Variants in PACRG observed in about 807,000 individuals in gnomAD.
PACRG encodes parkin coregulated.
In PACRG, 29 loss-of-function variants were observed where a neutral mutation model predicts 29.7. That is an observed-to-expected ratio of 0.98 (90% CI 0.73 to 1.33). PACRG has a LOEUF of 1.33. Ranked by LOEUF, PACRG falls within the 40% of genes most tolerant of loss-of-function variation. The pLI, the probability that PACRG is intolerant of heterozygous loss-of-function variation, is 0.00. For synonymous variants in PACRG, 116 were observed against 118.7 expected (o/e 0.98, Z 0.15); for missense variants, 279 against 316.2 (o/e 0.88, Z 0.89).
chr6:163,045,470 G>A (rs777202932), intron 2 of PACRG, among the ~76,000 whole-genome samples: 2 of 151,936 alleles, frequency 1.3e-5, no homozygotes, highest in Admixed American at 6.6e-5. Context: ...GATTACAGGC[G>A]CCCGTCAACA....
At chr6:162,947,622 ATAT>A (rs1799309171) in intron 2 of PACRG, among the ~76,000 whole-genome samples, 1 of 48,354 alleles carries the variant, frequency 2.1e-5, no homozygotes, top group South Asian at 9.4e-4. Flanking sequence ...ATATATATAT[ATAT>A]ATATATATAT....
rs531356479 is a variant in PACRG, at chr6:163,224,368, C to CAAAA, written c.614-90436_614-90433dup. ...TGGGCAACAGAGTGAGACTCCATCTCAAAAAAAAAAAAAAAAAAAAAAAAA... is the reference window on the plus strand; with the variant it reads ...TGGGCAACAGAGTGAGACTCCATCTCAAAAAAAAAAAAAAAAAAAAAAAAAAAAA... On this transcript the variant is annotated intron_variant, in intron 4 of 4. Transcript: ENST00000366888. 6.6e-3 allele frequency among the ~76,000 whole-genome samples: 314 copies of CAAAA among 47,264 alleles called. 22 individuals carry two copies. Among genetic ancestry groups the CAAAA allele is most frequent in the East Asian group, 0.016 (15 of 926 alleles). The allele number at this position is 47,264 out of a possible 152,430, so 31.0% of individuals were successfully genotyped here.
chr6:162,858,561 G>A (rs995698612), intron 2 of PACRG, among the ~76,000 whole-genome samples: 1 of 152,218 alleles, frequency 6.6e-6, no homozygotes, highest in Non-Finnish European at 1.5e-5. Context: ...AAAGGACAGA[G>A]TAACAAGAGA....
intron 2 of PACRG, among the ~76,000 whole-genome samples, chr6:162,908,353 T>C (rs1796076586): frequency 6.6e-6 from 1 of 152,234 alleles, no homozygotes; most frequent in African/African-American, 2.4e-5. Flanking sequence ...TAGGACTCTT[T>C]AGGTTGCATC....
At chr6:163,199,651 A>C in intron 4 of PACRG, among the ~76,000 whole-genome samples, 1 of 152,108 alleles carries the variant, frequency 6.6e-6, no homozygotes, top group Admixed American at 6.5e-5. Context: ...TCCCTGGAGG[A>C]GTAAATGGTG....
intron 4 of PACRG, among the ~76,000 whole-genome samples, chr6:163,168,199 G>A (rs751629973): frequency 2.2e-4 from 33 of 152,176 alleles, no homozygotes; most frequent in Admixed American, 6.5e-5. Context: ...GCATTTGGCC[G>A]GGTGTGGTGG....
intron 4 of PACRG, among the ~76,000 whole-genome samples, chr6:163,164,285 G>A (rs1041794906): frequency 1.3e-5 from 2 of 152,162 alleles, no homozygotes; most frequent in African/African-American, 4.8e-5. Context: ...AGTCACATGT[G>A]TTCATGGCAC....
chr6:163,288,336 G>C (rs1480347720), intron 4 of PACRG, among the ~76,000 whole-genome samples: 1 of 152,162 alleles, frequency 6.6e-6, no homozygotes, highest in Non-Finnish European at 1.5e-5. Flanking sequence ...GTCATTAAAG[G>C]TAGACGTCAC....
chr6:162,831,373 G>A (rs1028571400), intron 2 of PACRG, among the ~76,000 whole-genome samples: 1 of 152,160 alleles, frequency 6.6e-6, no homozygotes, highest in African/African-American at 2.4e-5. Context: ...ATTAGATGCT[G>A]TACATACAGC....
At chr6:163,089,547 C>A in intron 4 of PACRG, 139 bp downstream of exon 4, 1 of 1,014,220 alleles carries the variant, frequency 9.9e-7, no homozygotes, top group Non-Finnish European at 1.4e-6. Context: ...ATAGCATATT[C>A]CCACGCCTTC....
intron 2 of PACRG, among the ~76,000 whole-genome samples, chr6:162,914,895 A>G (rs1796601152): frequency 6.6e-6 from 1 of 152,072 alleles, no homozygotes; most frequent in Non-Finnish European, 1.5e-5. Context: ...AAAATCTTGC[A>G]TCTTGCAGAT....
At chr6:163,153,260 G>A (rs868259454) in intron 4 of PACRG, among the ~76,000 whole-genome samples, 3 of 152,190 alleles carry the variant, frequency 2.0e-5, no homozygotes, top group Middle Eastern at 3.4e-3. Context: ...TGGTATCTCC[G>A]ATCTGATCAA....
chr6:163,200,821 A>G (rs1424050029), intron 4 of PACRG, among the ~76,000 whole-genome samples: 2 of 152,230 alleles, frequency 1.3e-5, no homozygotes, highest in Non-Finnish European at 1.5e-5. Context: ...GACACAGAAC[A>G]TTCCAGGCTG....
At chr6:163,219,831 C>T (rs907748907) in intron 4 of PACRG, among the ~76,000 whole-genome samples, 25 of 152,156 alleles carry the variant, frequency 1.6e-4, no homozygotes, top group Admixed American at 1.4e-3. Context: ...AGTTTCTGCT[C>T]GCTCAGCCCG....
intron 4 of PACRG, among the ~76,000 whole-genome samples, chr6:163,128,274 A>G (rs1225725239): frequency 1.3e-5 from 2 of 152,178 alleles, no homozygotes; most frequent in Non-Finnish European, 2.9e-5. Flanking sequence ...CATCCTCCTA[A>G]AGAATCATAA....
intron 2 of PACRG, among the ~76,000 whole-genome samples, chr6:162,866,023 A>G (rs1372338063): frequency 6.6e-6 from 1 of 152,200 alleles, no homozygotes; most frequent in Non-Finnish European, 1.5e-5. Flanking sequence ...TAAATATGTT[A>G]TTTGCTGGGG....
chr6:162,778,449 G>T (rs1299004358), intron 1 of PACRG, among the ~76,000 whole-genome samples: 3 of 152,104 alleles, frequency 2.0e-5, no homozygotes, highest in African/African-American at 7.2e-5. Context: ...CCTGTCAGGG[G>T]CTATACTAGG....
intron 2 of PACRG, among the ~76,000 whole-genome samples, chr6:162,927,834 A>C (rs185017262): frequency 2.4e-4 from 36 of 148,072 alleles, no homozygotes; most frequent in South Asian, 6.4e-4. Flanking sequence ...AACAAACAAA[A>C]AAATGAAACA....
intron 1 of PACRG, among the ~76,000 whole-genome samples, chr6:162,801,245 A>C (rs1785836637): frequency 6.6e-6 from 1 of 152,086 alleles, no homozygotes; most frequent in South Asian, 2.1e-4. Flanking sequence ...AGTAGCTGGG[A>C]TTACATGTGT....
Sources: gnomAD v4.1 joint callset for allele counts (sites outside exome capture counted in the v4.1 genomes callset) on GRCh38, gnomAD v4.1.1 for gene constraint, MANE v1.5 for transcripts, NCBI Gene and HGNC (gene_info 2026-07-23, HGNC 2026-07-21) for gene names.